Variants in FSIP1 observed in about 807,000 individuals in gnomAD.
FSIP1 encodes the protein fibrous sheath interacting protein 1, also known as fibrous sheath-interacting protein 1.
Under a neutral mutation model 60.9 loss-of-function variants are expected in FSIP1, and 65 were observed. The observed-to-expected ratio is 1.07, with a 90% CI of 0.87 to 1.31. The LOEUF is 1.31. Ranked by LOEUF, FSIP1 falls within the 40% of genes most tolerant of loss-of-function variation. FSIP1 has a pLI of 0.00. For synonymous variants in FSIP1, 209 were observed against 221.2 expected (o/e 0.94, Z 0.49); for missense variants, 675 against 665.5 (o/e 1.01, Z -0.16).
At chr15:39,598,901 T>G (rs560434604), downstream of FSIP1, 17 of 151,876 alleles carry the variant, frequency 1.1e-4, no homozygotes, top group African/African-American at 3.9e-4. Flanking sequence ...ATAAATTGGC[T>G]CTCTCTCTCT....
chr15:39,751,407 T>C (rs1897157180), intron 5 of FSIP1, among the ~76,000 whole-genome samples: 1 of 115,256 alleles, frequency 8.7e-6, no homozygotes, highest in Admixed American at 9.5e-5. Flanking sequence ...ATAAAGCAAC[T>C]GTAATACATA....
chr15:39,734,339 A>G (rs1020501051), intron 8 of FSIP1, among the ~76,000 whole-genome samples: 1 of 152,246 alleles, frequency 6.6e-6, no homozygotes, highest in East Asian at 1.9e-4. Context: ...ATACAAATAA[A>G]TAATTCGTTG....
chr15:39,651,626 C>T (rs1182128019), intron 10 of FSIP1, among the ~76,000 whole-genome samples: 2 of 152,164 alleles, frequency 1.3e-5, no homozygotes, highest in Non-Finnish European at 2.9e-5. Context: ...CATTGTGTGA[C>T]TGTTATTGCT....
At position 39,632,598 on chromosome 15, in the gene FSIP1, T is replaced by C. The variant is rs1459767337; in HGVS notation, c.1189-14353A>G. 2.0e-5 allele frequency among the ~76,000 whole-genome samples: 3 copies of C among 152,124 alleles called. No individual in the cohort carries two copies. In the East Asian group the frequency reaches 5.8e-4, roughly 29 times the overall value. On this transcript the variant is annotated intron_variant, in intron 10 of 11. Coordinates refer to ENST00000350221, the MANE Select transcript of FSIP1 (RefSeq NM_152597.5). ...TCACGAGGTCAGGAGATCGAGACCA[T>C]CCTGGTCAACATGGTGCAACTCTGT...
intron 9 of FSIP1, among the ~76,000 whole-genome samples, 177 bp downstream of exon 9, chr15:39,726,412 C>A (rs1294534512): frequency 6.6e-6 from 1 of 151,900 alleles, no homozygotes; most frequent in Non-Finnish European, 1.5e-5. Context: ...GACCGCATCC[C>A]AGAAAATTAC....
intron 10 of FSIP1, among the ~76,000 whole-genome samples, chr15:39,642,137 A>G (rs1440781280): frequency 6.6e-6 from 1 of 152,206 alleles, no homozygotes; most frequent in African/African-American, 2.4e-5. Context: ...TTATTATAAT[A>G]TCACAATTAT....
intron 10 of FSIP1, among the ~76,000 whole-genome samples, chr15:39,618,768 G>A (rs1353058361): frequency 6.6e-6 from 1 of 152,146 alleles, no homozygotes; most frequent in Non-Finnish European, 1.5e-5. Flanking sequence ...TTTCAACCAA[G>A]ACCTTAAATA....
rs1207919114 is a variant in FSIP1, at chr15:39,768,041, G to A, written c.311-2295C>T. 2.6e-5 allele frequency among the ~76,000 whole-genome samples: 4 copies of A among 152,140 alleles called. No individual in the cohort carries two copies. In the East Asian group the frequency reaches 7.7e-4, roughly 29 times the overall value. The stretch of plus-strand genomic sequence containing the variant: ...CTGGAACACTCCCACTTGGGATTTG[G>A]GAGTTGTAAACACTCACCCTTAGAC... On this transcript the variant is annotated intron_variant, in intron 3 of 11. Transcript: ENST00000350221.
At chr15:39,707,389 T>C (rs556792255) in intron 10 of FSIP1, among the ~76,000 whole-genome samples, 1 of 152,258 alleles carries the variant, frequency 6.6e-6, no homozygotes, top group African/African-American at 2.4e-5. Context: ...GTCGCTAATT[T>C]ACAGAGTAAG....
At chr15:39,730,199 G>A (rs77060862) in intron 8 of FSIP1, among the ~76,000 whole-genome samples, 1 of 152,206 alleles carries the variant, frequency 6.6e-6, no homozygotes, top group East Asian at 1.9e-4. Flanking sequence ...TAGGTTTGGA[G>A]AGAAAGATAA....
At chr15:39,753,417 C>A (rs1456446094) in intron 5 of FSIP1, among the ~76,000 whole-genome samples, 2 of 140,156 alleles carry the variant, frequency 1.4e-5, no homozygotes, top group Non-Finnish European at 3.3e-5. Context: ...AAACATTTCA[C>A]ACACCTGTGT....
At chr15:39,653,989 TAC>T (rs1231741605) in intron 10 of FSIP1, among the ~76,000 whole-genome samples, 1 of 152,200 alleles carries the variant, frequency 6.6e-6, no homozygotes, top group Non-Finnish European at 1.5e-5. Flanking sequence ...AGCCTAGGCC[TAC>T]ACAGGGTCAG....
intron 10 of FSIP1, among the ~76,000 whole-genome samples, chr15:39,678,357 A>G (rs1429891100): frequency 6.6e-6 from 1 of 152,172 alleles, no homozygotes; most frequent in African/African-American, 2.4e-5. Context: ...TAGTCTTATA[A>G]TTCAGAAATG....
At chr15:39,601,417 A>G (rs566361199) in intron 11 of FSIP1, among the ~76,000 whole-genome samples, 11 of 152,374 alleles carry the variant, frequency 7.2e-5, no homozygotes, top group African/African-American at 2.4e-4. Context: ...AATTTTAAAA[A>G]GACAAAGAGA....
intron 10 of FSIP1, among the ~76,000 whole-genome samples, chr15:39,669,041 G>A (rs541664475): frequency 6.6e-6 from 1 of 152,314 alleles, no homozygotes; most frequent in African/African-American, 2.4e-5. Flanking sequence ...AGTAGACACA[G>A]AGAGGTGCCA....
At chr15:39,633,616 T>C (rs1467760544) in intron 10 of FSIP1, among the ~76,000 whole-genome samples, 1 of 152,206 alleles carries the variant, frequency 6.6e-6, no homozygotes, top group African/African-American at 2.4e-5. Context: ...ATATGGACTG[T>C]GAAGCCAGTG....
intron 10 of FSIP1, among the ~76,000 whole-genome samples, chr15:39,712,568 T>C (rs1211710370): frequency 1.3e-5 from 2 of 152,156 alleles, no homozygotes; most frequent in Non-Finnish European, 2.9e-5. Flanking sequence ...TCACCCAAGA[T>C]GACAGAATTT....
rs114859984 is a variant in FSIP1, at chr15:39,740,311, G to A, written c.656-522C>T. ...TAGCTCCCATCTGCACAAACCCCTA[G>A]AGCCCATCTCAGTTGGCCAATTTTC... is the stretch of plus-strand genomic sequence containing the variant. On this transcript the variant is annotated intron_variant, in intron 6 of 11. Transcript: ENST00000350221. 6.5e-3 allele frequency among the ~76,000 whole-genome samples: 989 copies of A among 152,178 alleles called. 8 individuals are homozygous for A. The highest frequency in any genetic ancestry group is 0.023 in the African/African-American group (935 of 41,508).
At chr15:39,755,929 T>C (rs866256484) in intron 5 of FSIP1, among the ~76,000 whole-genome samples, 2 of 152,124 alleles carry the variant, frequency 1.3e-5, no homozygotes, top group Non-Finnish European at 2.9e-5. Flanking sequence ...AGATAAATGA[T>C]AGAAACTAAG....
Sources: allele counts gnomAD v4.1 joint callset (sites outside exome capture counted in the v4.1 genomes callset), GRCh38; gene constraint gnomAD v4.1.1; transcripts MANE v1.5; gene names NCBI Gene and HGNC (gene_info 2026-07-23, HGNC 2026-07-21).